Variants in CNOT1 observed in about 807,000 individuals in gnomAD.
The protein encoded by CNOT1 is CCR4-NOT transcription complex subunit 1.
CNOT1 carries 15 observed loss-of-function variants against 273.8 expected under a neutral mutation model. The ratio of observed to expected loss-of-function variants is 0.05; its 90% CI spans 0.04 to 0.08. The LOEUF (loss-of-function observed/expected upper bound fraction) is 0.08. CNOT1 is among the 10% of genes least tolerant of loss of function. The pLI, the probability that CNOT1 is intolerant of heterozygous loss-of-function variation, is 1.00. For synonymous variants in CNOT1, 1,022 were observed against 1,005.5 expected, an observed-to-expected ratio of 1.02 and a Z score of -0.31; for missense variants, 1,644 against 2,912.2, an observed-to-expected ratio of 0.56 and a Z score of 10.02.
chr16:58,521,329 G>A lies in CNOT1; in HGVS notation c.6918-12C>T. On this transcript the variant is annotated splice_polypyrimidine_tract_variant and intron_variant, in intron 47 of 48. Coordinates refer to ENST00000317147, the MANE Select transcript of CNOT1 (RefSeq NM_016284.5). Reference sequence around the variant, plus strand: ...GTTCCAAGAGAACTCTGGAAAAAGGGAGAAAGAGCTAGTTAATGTATAGAA... The same window carrying A: ...GTTCCAAGAGAACTCTGGAAAAAGGAAGAAAGAGCTAGTTAATGTATAGAA... 6.3e-7 allele frequency: 1 copy of A among 1,594,270 alleles called. No homozygotes were observed. The highest frequency in any genetic ancestry group is 8.5e-7 in the Non-Finnish European group (1 of 1,174,790).
At chr16:58,585,963 A>C (rs1054297338) in intron 7 of CNOT1, among the ~76,000 whole-genome samples, 1 of 151,952 alleles carries the variant, frequency 6.6e-6, no homozygotes, top group African/African-American at 2.4e-5. Flanking sequence ...ATGAGAATGG[A>C]TGTTAATCCA....
At chr16:58,555,030 G>A (rs1486822933) in intron 21 of CNOT1, among the ~76,000 whole-genome samples, 1 of 151,496 alleles carries the variant, frequency 6.6e-6, no homozygotes, top group African/African-American at 2.4e-5. Flanking sequence ...TGAGACCATG[G>A]TGAAACCCTG....
In CNOT1 at chr16:58,537,261, G is replaced by C. The variant is rs747130849; in HGVS notation, c.5415-41C>G. The stretch of plus-strand genomic sequence containing the variant: ...AAGGGTGAAAATCAGTCTCCTCGTA[G>C]TTGTGATTTTACAGACATACGCATG... On this transcript the variant is annotated intron_variant, in intron 38 of 48. Coordinates refer to ENST00000317147, the MANE Select transcript of CNOT1 (RefSeq NM_016284.5). 10 of 1,531,092 alleles carry C rather than the reference G, an allele frequency of 6.5e-6. No individual in the cohort carries two copies. The Admixed American group carries it at 1.8e-4, about 28-fold the overall frequency. 94.8% of individuals were successfully genotyped at this position (1,531,092 alleles called of 1,614,324 possible). A position where few individuals can be genotyped will look rare whatever the true frequency, so the allele number is the denominator to read the frequency against.
intron 1 of CNOT1, among the ~76,000 whole-genome samples, chr16:58,603,320 G>A (rs1597573997): frequency 1.3e-5 from 2 of 152,044 alleles, no homozygotes; most frequent in South Asian, 2.1e-4. Flanking sequence ...GCTTGAACGC[G>A]GGAGTTCAAC....
intron 14 of CNOT1, 109 bp downstream of exon 14, chr16:58,576,354 G>A (rs2041458935): frequency 9.5e-6 from 14 of 1,476,270 alleles, no homozygotes; most frequent in South Asian, 6.2e-5. Flanking sequence ...TTGTGGATCC[G>A]CCCACCTCAG....
intron 21 of CNOT1, 36 bp downstream of exon 21, chr16:58,555,215 G>A: frequency 6.2e-7 from 1 of 1,606,418 alleles, no homozygotes; most frequent in East Asian, 2.2e-5. Flanking sequence ...TGCGGGGTCA[G>A]GGAAGAGATC....
intron 39 of CNOT1, among the ~76,000 whole-genome samples, chr16:58,535,701 C>T (rs1436547157): frequency 1.3e-5 from 2 of 151,822 alleles, no homozygotes; most frequent in African/African-American, 4.8e-5. Flanking sequence ...TACTGAGTAA[C>T]ATTCATTTTG....
intron 2 of CNOT1, among the ~76,000 whole-genome samples, chr16:58,598,254 CG>C (rs1475132279): frequency 6.6e-6 from 1 of 151,924 alleles, no homozygotes; most frequent in Non-Finnish European, 1.5e-5. Context: ...AAAAATTAGC[CG>C]AGCATGATGG....
At chr16:58,526,277 T>C (rs1035774181) in intron 44 of CNOT1, 139 bp from the exon 45 acceptor site, 2 of 763,264 alleles carry the variant, frequency 2.6e-6, no homozygotes, top group Non-Finnish European at 4.1e-6. Flanking sequence ...CACATTTTAT[T>C]AATCAGTCTT....
Position 58,580,701 on chromosome 16 carries a change from G to A in CNOT1, c.1275C>T (p.Pro425=), listed in dbSNP as rs752370179. The A allele has an allele frequency of 3.1e-6, 5 of 1,613,500 alleles. No individual in the cohort carries two copies. In the East Asian group the frequency reaches 8.9e-5, roughly 29 times the overall value. ...NPEIFCFADY[P]CHTVATDILK... is the part of the protein sequence containing the mutation. ...GAATATCAGTGGCAACAGTATGACA[G>A]GGATAGTCAGCAAAACAGAAGATCT... Residue 425 remains proline (P), a synonymous_variant, in exon 12 of 49, where the codon CCC becomes CCT. Transcript: ENST00000317147.
At chr16:58,530,984 G>A (rs1031702355) in intron 42 of CNOT1, among the ~76,000 whole-genome samples, 26 of 152,130 alleles carry the variant, frequency 1.7e-4, no homozygotes, top group African/African-American at 6.3e-4. Context: ...ACAGTCAACT[G>A]CAGAAACTGA....
chr16:58,525,497 G>T, intron 45 of CNOT1, 138 bp from the exon 46 acceptor site: 2 of 714,118 alleles, frequency 2.8e-6, no homozygotes, highest in Non-Finnish European at 4.6e-6. Context: ...AATTTGTGAG[G>T]TTATTTAACA....
At chr16:58,539,480 C>CACACACACACACACACACACACACAG (rs1555494952) in intron 35 of CNOT1, among the ~76,000 whole-genome samples, 125 of 148,678 alleles carry the variant, frequency 8.4e-4, no homozygotes, top group South Asian at 3.5e-3. Flanking sequence ...CACACACACA[C>CACACACACACACACACACACACACAG]ACACACACAC....
chr16:58,561,896 C>A (rs1280586525), intron 16 of CNOT1, among the ~76,000 whole-genome samples: 1 of 152,094 alleles, frequency 6.6e-6, no homozygotes, highest in African/African-American at 2.4e-5. Flanking sequence ...CTACTCGGGC[C>A]GGGTGCGGTG....
intron 2 of CNOT1, among the ~76,000 whole-genome samples, chr16:58,590,944 A>G (rs1381579548): frequency 6.6e-6 from 1 of 152,210 alleles, no homozygotes; most frequent in Non-Finnish European, 1.5e-5. Flanking sequence ...CACAAAGTCA[A>G]TTTTTGTGGG....
At chr16:58,605,986 G>A (rs1420215993) in intron 1 of CNOT1, among the ~76,000 whole-genome samples, 1 of 152,044 alleles carries the variant, frequency 6.6e-6, no homozygotes, top group Non-Finnish European at 1.5e-5. Flanking sequence ...TCTTCTCACA[G>A]CACTTCTCAA....
intron 7 of CNOT1, among the ~76,000 whole-genome samples, chr16:58,586,159 G>A (rs12931124): frequency 0.049 from 6,787 of 138,300 alleles, 238 homozygotes; most frequent in Middle Eastern, 0.076. Flanking sequence ...TGTCATGCTC[G>A]CCTGATCTTC....
At position 58,588,270 on chromosome 16, in the gene CNOT1, G is replaced by A. The variant is rs538374039; in HGVS notation, c.211-392C>T. Among the ~76,000 whole-genome samples the A allele has an allele frequency of 6.0e-4, 91 of 152,030 alleles. 2 individuals are homozygous for A. In the South Asian group the frequency reaches 0.018, roughly 31 times the overall value. On this transcript the variant is annotated intron_variant, in intron 3 of 48. Transcript: ENST00000317147. ...GCCACCACACTCCAGCCTGGGTGACGAGAGAGAGACTCTGTCTCAAAAACA... is the reference window on the plus strand; with the variant it reads ...GCCACCACACTCCAGCCTGGGTGACAAGAGAGAGACTCTGTCTCAAAAACA...
rs35083128 is a variant in CNOT1, at chr16:58,626,759, C to CAA, written c.-175+2967_-175+2968dup. Reference sequence around the variant, plus strand: ...TGGGCAACAGGGTGAGACTCCGTCTCAAAAAAAAAAAGGCAGACTACTATT... The same window carrying CAA: ...TGGGCAACAGGGTGAGACTCCGTCTCAAAAAAAAAAAAAGGCAGACTACTATT... On this transcript the variant is annotated intron_variant, in intron 1 of 48. Coordinates refer to ENST00000317147, the MANE Select transcript of CNOT1 (RefSeq NM_016284.5). 4.9e-4 allele frequency among the ~76,000 whole-genome samples: 70 copies of CAA among 143,352 alleles called. No individual in the cohort carries two copies. The East Asian group carries it at 9.0e-3, about 19-fold the overall frequency. The allele number at this position is 143,352 out of a possible 152,430, so 94.0% of individuals were successfully genotyped here. A position where few individuals can be genotyped will look rare whatever the true frequency, so the allele number is the denominator to read the frequency against.
Sources: gnomAD v4.1 joint callset for allele counts (sites outside exome capture counted in the v4.1 genomes callset) on GRCh38, gnomAD v4.1.1 for gene constraint, MANE v1.5 for transcripts, NCBI Gene and HGNC (gene_info 2026-07-23, HGNC 2026-07-21) for gene names.